The following ARMCX4 variants were observed in gnomAD, a reference collection of about 807,000 sequenced individuals.
ARMCX4 encodes armadillo repeat containing X-linked 4.
ARMCX4 carries 3 observed loss-of-function variants against 34.7 expected under a neutral mutation model. The ratio of observed to expected loss-of-function variants is 0.09; its 90% CI spans 0.04 to 0.22. The LOEUF (loss-of-function observed/expected upper bound fraction) is 0.22, where lower values mean the gene tolerates loss of function less well. ARMCX4 is among the 10% of genes least tolerant of loss of function. ARMCX4 has a pLI of 1.00. For missense variants in ARMCX4, 1,448 were observed against 1,720.8 expected (o/e 0.84, Z 2.81); for synonymous variants, 513 against 632.8 (o/e 0.81, Z 2.84).
At chrX:101,450,343 AC>A (rs1931911074), downstream of ARMCX4, among the ~76,000 whole-genome samples, 1 of 112,014 alleles carries the variant, frequency 8.9e-6, no homozygotes, top group Non-Finnish European at 1.9e-5. Flanking sequence ...CTCCATGGTC[AC>A]TGCCACCACA....
At chrX:101,507,076 C>T (rs1360935043) in intron 8 of ARMCX4, among the ~76,000 whole-genome samples, 1 of 111,596 alleles carries the variant, frequency 9.0e-6, no homozygotes, top group African/African-American at 3.3e-5. Context: ...ATCCTATACA[C>T]AACCATACTT....
rs1234819989 is a variant in ARMCX4 at position 101,490,152 on chromosome X, A to G, written c.1563A>G (p.Leu521=). The part of the protein sequence containing the change: ...QGMAQSQGEA[L]PNTRGKARGK... ...TGGCCCAGAGCCAGGGTGAAGCCTT[A>G]CCTAATACTAGAGGTAAGGCTAGGG... The change falls in exon 6 of 6, where the codon TTA becomes TTG. Residue 521 remains leucine (L), a synonymous_variant. Coordinates refer to ENST00000423738, the MANE Select transcript of ARMCX4 (RefSeq NM_001256155.3). 4.3e-6 allele frequency: 5 copies of G among 1,154,125 alleles called. No individual in the cohort carries two copies. Among genetic ancestry groups the G allele is most frequent in the African/African-American group, 3.6e-5 (2 of 55,703 alleles).
At chrX:101,533,597 A>C (rs1461522224), downstream of ARMCX4, 1 of 111,858 alleles carries the variant, frequency 8.9e-6, no homozygotes, top group Admixed American at 9.6e-5. Context: ...TAGCAGAGAA[A>C]ATTATAGAAA....
chrX:101,488,557 T>C lies in ARMCX4; in HGVS notation c.-33T>C. 1 of 1,155,862 alleles carries C rather than the reference T, an allele frequency of 8.7e-7. No homozygotes were observed. Among genetic ancestry groups the C allele is most frequent in the Non-Finnish European group, 1.1e-6 (1 of 872,998 alleles). On this transcript the variant is annotated 5_prime_UTR_variant, in exon 6 of 6. Transcript: ENST00000423738. ...ACCCCAGCCCGAGTGCGCTCTACCA[T>C]ACCTTGTTCGTGCTTTTAGCAGGGG...
intron 11 of ARMCX4, chrX:101,531,602 G>A (rs1179847128): frequency 3.6e-5 from 4 of 111,834 alleles, no homozygotes; most frequent in African/African-American, 1.3e-4. Context: ...TAATAGAATA[G>A]TGCAAATAGT....
At chrX:101,475,774 A>T (rs1179359829) in intron 4 of ARMCX4, among the ~76,000 whole-genome samples, 2 of 111,753 alleles carry the variant, frequency 1.8e-5, no homozygotes, top group African/African-American at 6.5e-5. Context: ...GACGCTTATT[A>T]TTAAGTCTGG....
intron 2 of ARMCX4, among the ~76,000 whole-genome samples, chrX:101,442,855 G>A (rs782726502): frequency 8.1e-5 from 9 of 111,497 alleles, no homozygotes; most frequent in Admixed American, 2.9e-4. Flanking sequence ...CCAATTGGCC[G>A]GGTGTGGTGG....
intron 8 of ARMCX4, among the ~76,000 whole-genome samples, chrX:101,508,563 A>T (rs1263029260): frequency 9.0e-6 from 1 of 110,931 alleles, no homozygotes; most frequent in African/African-American, 3.3e-5. Context: ...TACCTCCTTA[A>T]AGGCTCTATC....
chrX:101,527,561 C>A (rs1207654969), intron 11 of ARMCX4, among the ~76,000 whole-genome samples: 1 of 110,573 alleles, frequency 9.0e-6, no homozygotes, highest in Non-Finnish European at 1.9e-5. Flanking sequence ...TTGAAAAGAT[C>A]AACAAAATTG....
At position 101,495,392 on chromosome X, in the gene ARMCX4, G is replaced by A; in HGVS notation, c.6803G>A (p.Arg2268Gln). The change falls in exon 6 of 6, where the codon CGA (arginine) becomes CAA (glutamine). Residue 2268 changes from arginine to glutamine, a missense_variant. This residue lies in a region of ARMCX4 where 105 missense variants were observed against 180.2 expected (regional missense o/e 0.58). Transcript: ENST00000423738. ...QRPKACAKKLRALAAECNDPE... is the reference protein window; with the variant it reads ...QRPKACAKKLQALAAECNDPE... The stretch of plus-strand genomic sequence containing the variant: ...CCTAAAGCATGTGCCAAGAAACTTC[G>A]AGCCTTAGCAGCAGAATGCAATGAC... The A allele has an allele frequency of 8.7e-7, 1 of 1,147,235 alleles. No homozygotes were observed. The highest frequency in any genetic ancestry group is 2.0e-5 in the South Asian group (1 of 50,849). 94.5% of individuals were successfully genotyped at this position (1,147,235 alleles called of 1,213,427 possible). A position where few individuals can be genotyped will look rare whatever the true frequency, so the allele number is the denominator to read the frequency against.
At chrX:101,519,340 C>A (rs1447259575) in intron 11 of ARMCX4, among the ~76,000 whole-genome samples, 1 of 111,345 alleles carries the variant, frequency 9.0e-6, no homozygotes, top group East Asian at 2.8e-4. Context: ...CTACACCCAG[C>A]TCCTAGCAAC....
chrX:101,474,465 C>T (rs1167038806), intron 4 of ARMCX4, among the ~76,000 whole-genome samples: 1 of 105,246 alleles, frequency 9.5e-6, no homozygotes, highest in Non-Finnish European at 2.0e-5. Context: ...TTTATGAGGC[C>T]AGCATCATTC....
At chrX:101,460,159 T>C (rs782183059) in intron 4 of ARMCX4, among the ~76,000 whole-genome samples, 15 of 112,515 alleles carry the variant, frequency 1.3e-4, no homozygotes, top group Non-Finnish European at 2.8e-4. Context: ...GCTGAGAGGA[T>C]TGGTGGAAGT....
chrX:101,421,515 C>T (rs1343438994), intron 2 of ARMCX4, among the ~76,000 whole-genome samples: 9 of 111,240 alleles, frequency 8.1e-5, no homozygotes, highest in Non-Finnish European at 1.3e-4. Context: ...TAACAATACC[C>T]GATAGTGGGT....
chrX:101,441,990 T>C (rs1931327522), intron 2 of ARMCX4, among the ~76,000 whole-genome samples: 1 of 111,979 alleles, frequency 8.9e-6, no homozygotes, highest in Non-Finnish European at 1.9e-5. Flanking sequence ...TGCAGGGAAT[T>C]ACTGACTGAT....
rs1555997690 is a variant in ARMCX4, at chrX:101,444,827, T to TG, written n.268+672_268+673insG. Among the ~76,000 whole-genome samples, 26 of 107,958 alleles carry TG rather than the reference T, an allele frequency of 2.4e-4. 1 individual carries two copies. In the South Asian group the frequency reaches 0.01, roughly 43 times the overall value. 93.7% of individuals were successfully genotyped at this position (107,958 alleles called of 115,157 possible). On this transcript the variant is annotated intron_variant and non_coding_transcript_variant, in intron 3 of 3. Coordinates refer to the ARMCX4 transcript ENST00000430461. Reference sequence around the variant, plus strand: ...CTCATCACCTCACATAGTTGCCATTTTGTGTGTGTGTGTGTGGTAAAGGCA... The same window carrying TG: ...CTCATCACCTCACATAGTTGCCATTTGTGTGTGTGTGTGTGTGGTAAAGGCA...
chrX:101,451,502 TTTC>T (rs782684727), downstream of ARMCX4, among the ~76,000 whole-genome samples: 6 of 112,243 alleles, frequency 5.3e-5, no homozygotes, highest in South Asian at 1.9e-3. Context: ...TCAGTGCCTC[TTTC>T]AGGGATATGA....
At chrX:101,515,392 TCC>T (rs1934701573) in intron 11 of ARMCX4, among the ~76,000 whole-genome samples, 1 of 13,285 alleles carries the variant, frequency 7.5e-5, no homozygotes, top group Admixed American at 7.0e-4. Context: ...TTTCTTTCTT[TCC>T]CTCCCTCCCT....
intron 11 of ARMCX4, among the ~76,000 whole-genome samples, chrX:101,522,267 G>A (rs1449932835): frequency 1.8e-5 from 2 of 111,091 alleles, no homozygotes; most frequent in African/African-American, 6.5e-5. Context: ...TAATAAAAAT[G>A]CTTGTCTTAA....
Sources: gnomAD v4.1 joint callset for allele counts (sites outside exome capture counted in the v4.1 genomes callset) on GRCh38, gnomAD v4.1.1 for gene constraint, gnomAD v4.1.1 regional missense constraint, MANE v1.5 for transcripts, NCBI Gene and HGNC (gene_info 2026-07-23, HGNC 2026-07-21) for gene names.